SAE1: variants seen among roughly 807,000 people sequenced by gnomAD.
SAE1 encodes SUMO-activating enzyme subunit 1.
In SAE1, 11 loss-of-function variants were observed where a neutral mutation model predicts 40.6. The observed-to-expected ratio is 0.27, with a 90% CI of 0.17 to 0.45. The LOEUF (loss-of-function observed/expected upper bound fraction) is 0.45, where lower values mean the gene tolerates loss of function less well. SAE1 is among the 20% of genes least tolerant of loss of function. The pLI is 1.00. For missense variants in SAE1, 373 were observed against 427.3 expected (o/e 0.87, Z 1.12); for synonymous variants, 155 against 154.3 (o/e 1.00, Z -0.03).
intron 8 of SAE1, among the ~76,000 whole-genome samples, chr19:47,204,507 C>A (rs1056192896): frequency 7.2e-6 from 1 of 139,738 alleles, no homozygotes; most frequent in Non-Finnish European, 1.5e-5. Flanking sequence ...CGCACCCCCC[C>A]CCTTTTTTTT....
intron 2 of SAE1, among the ~76,000 whole-genome samples, chr19:47,148,739 C>G (rs1161449001): frequency 6.6e-6 from 1 of 151,394 alleles, no homozygotes; most frequent in African/African-American, 2.4e-5. Context: ...CTCAGCCTCC[C>G]GAGTAGCTGG....
At chr19:47,140,698 G>C (rs2058216308) in intron 1 of SAE1, among the ~76,000 whole-genome samples, 1 of 151,896 alleles carries the variant, frequency 6.6e-6, no homozygotes, top group South Asian at 2.1e-4. Context: ...AATAGGCCGA[G>C]GTGGCGGGAT....
intron 4 of SAE1, among the ~76,000 whole-genome samples, chr19:47,153,543 C>T (rs2058300972): frequency 6.6e-6 from 1 of 152,090 alleles, no homozygotes; most frequent in African/African-American, 2.4e-5. Flanking sequence ...TCTGACCACC[C>T]CCTCCAAAAC....
At chr19:47,150,477 C>A in intron 3 of SAE1, 102 bp downstream of exon 3, 1 of 938,370 alleles carries the variant, frequency 1.1e-6, no homozygotes, top group Non-Finnish European at 1.6e-6. Flanking sequence ...ATTCAAATAT[C>A]AAATTCTGAG....
At chr19:47,163,258 A>C (rs1327543261) in intron 5 of SAE1, among the ~76,000 whole-genome samples, 1 of 151,916 alleles carries the variant, frequency 6.6e-6, no homozygotes, top group South Asian at 2.1e-4. Flanking sequence ...ATCCAAAAAA[A>C]AAAAAAGAAA....
At chr19:47,171,972 T>C (rs143590449) in intron 6 of SAE1, among the ~76,000 whole-genome samples, 36 of 152,036 alleles carry the variant, frequency 2.4e-4, no homozygotes, top group African/African-American at 8.7e-4. Context: ...CAGGCTGGAG[T>C]GCAGTGGTGC....
intron 6 of SAE1, among the ~76,000 whole-genome samples, chr19:47,187,078 A>G (rs1600200931): frequency 6.6e-6 from 1 of 152,356 alleles, no homozygotes; most frequent in East Asian, 1.9e-4. Flanking sequence ...ATGCACACAC[A>G]TACTTTTAAG....
intron 6 of SAE1, among the ~76,000 whole-genome samples, chr19:47,193,822 T>G (rs2058595021): frequency 7.2e-6 from 1 of 138,018 alleles, no homozygotes. Context: ...AGCAAGATTG[T>G]CTCAAAAAAA....
rs772632494 is a variant in SAE1, at chr19:47,155,122, C to T, written c.536C>T (p.Thr179Ile). The change falls in exon 5 of 9, where the codon ACT (threonine) becomes ATT (isoleucine). Residue 179 changes from threonine (T) to isoleucine (I), a missense_variant. By Grantham distance (89) the Thr-to-Ile change is moderately conservative (BLOSUM62 -1). This residue lies in a region of SAE1 where 351 missense variants were observed against 390.6 expected (regional missense o/e 0.90). Coordinates refer to ENST00000270225, the MANE Select transcript of SAE1 (RefSeq NM_005500.3). ...LGEHEFVEEK[T>I]KVAKVSQGVE... Reference sequence around the variant, plus strand: ...CCCTTGTCACCCTCTAGGGAGAAAACTAAAGTTGCCAAAGTTAGCCAAGGA... The same window carrying T: ...CCCTTGTCACCCTCTAGGGAGAAAATTAAAGTTGCCAAAGTTAGCCAAGGA... 7 of 1,609,996 alleles carry T rather than the reference C, an allele frequency of 4.3e-6. No individual in the cohort carries two copies. The highest frequency in any genetic ancestry group is 1.1e-5 in the South Asian group (1 of 90,972).
chr19:47,163,780 A>G (rs183368337), intron 5 of SAE1, among the ~76,000 whole-genome samples: 67 of 152,258 alleles, frequency 4.4e-4, no homozygotes, highest in African/African-American at 1.5e-3. Flanking sequence ...AGTATATGCA[A>G]GTACTGTGCC....
chr19:47,130,884 C>T lies in SAE1; in HGVS notation c.-47C>T. On this transcript the variant is annotated 5_prime_UTR_variant, in exon 1 of 9. Transcript: ENST00000270225. Reference sequence around the variant, plus strand: ...GTAGGTGGCGCGCGGGTCCGGCGGGCGGTTGGCTTGAGCGGGACCGGAGCT... The same window carrying T: ...GTAGGTGGCGCGCGGGTCCGGCGGGTGGTTGGCTTGAGCGGGACCGGAGCT... 3 of 1,545,600 alleles carry T rather than the reference C, an allele frequency of 1.9e-6. No homozygotes were observed. Among genetic ancestry groups the T allele is most frequent in the Non-Finnish European group, 2.6e-6 (3 of 1,145,170 alleles).
At chr19:47,141,925 A>G (rs2058224538) in intron 1 of SAE1, among the ~76,000 whole-genome samples, 1 of 152,140 alleles carries the variant, frequency 6.6e-6, no homozygotes, top group Admixed American at 6.6e-5. Flanking sequence ...TTCCTTTTTG[A>G]AATCTGAAAA....
At position 47,130,859 on chromosome 19, in the gene SAE1, G is replaced by A; in HGVS notation, c.-72G>A. 1.9e-6 allele frequency: 3 copies of A among 1,543,616 alleles called. No individual in the cohort carries two copies. Among genetic ancestry groups the A allele is most frequent in the South Asian group, 2.4e-5 (2 of 83,536 alleles). ...CACTCCGGGCGTGCTGCCGGCGGCG[G>A]TAGGTGGCGCGCGGGTCCGGCGGGC... On this transcript the variant is annotated 5_prime_UTR_variant, in exon 1 of 9. Coordinates refer to ENST00000270225, the MANE Select transcript of SAE1 (RefSeq NM_005500.3).
rs1365541911 is a variant in SAE1, at chr19:47,210,524, A to G, written c.*1273A>G. 1 of 152,254 alleles carries G rather than the reference A, an allele frequency of 6.6e-6. No homozygotes were observed. The highest frequency in any genetic ancestry group is 1.5e-5 in the Non-Finnish European group (1 of 68,046). The allele number at this position is 152,254 out of a possible 1,614,324, so 9.4% of individuals were successfully genotyped here. A position where few individuals can be genotyped will look rare whatever the true frequency, so the allele number is the denominator to read the frequency against. ...GGGTCAGAGCTTTTATTGGAAGACC[A>G]GGTTTGCCTTGATGCAGCCAAAGTG... On this transcript the variant is annotated 3_prime_UTR_variant, in exon 9 of 9. Transcript: ENST00000270225.
At chr19:47,167,866 C>G (rs929074412) in intron 5 of SAE1, among the ~76,000 whole-genome samples, 6 of 152,096 alleles carry the variant, frequency 3.9e-5, no homozygotes, top group African/African-American at 1.4e-4. Context: ...GCTTGGCTAT[C>G]TTAAACTTCT....
chr19:47,130,900 G>A lies in SAE1; in HGVS notation c.-31G>A. On this transcript the variant is annotated 5_prime_UTR_variant, in exon 1 of 9. Transcript: ENST00000270225. ...TCCGGCGGGCGGTTGGCTTGAGCGGGACCGGAGCTGAGGCAGGAAGAGCCG... is the reference window on the plus strand; with the variant it reads ...TCCGGCGGGCGGTTGGCTTGAGCGGAACCGGAGCTGAGGCAGGAAGAGCCG... 1 of 1,548,394 alleles carries A rather than the reference G, an allele frequency of 6.5e-7. No homozygotes were observed. Among genetic ancestry groups the A allele is most frequent in the Non-Finnish European group, 8.7e-7 (1 of 1,146,362 alleles).
chr19:47,188,266 A>G (rs2058556513), intron 6 of SAE1, among the ~76,000 whole-genome samples: 1 of 151,978 alleles, frequency 6.6e-6, no homozygotes, highest in South Asian at 2.1e-4. Context: ...CAGGAGGATC[A>G]CTTGAGTTCA....
intron 5 of SAE1, among the ~76,000 whole-genome samples, chr19:47,159,412 A>G (rs2058344310): frequency 6.6e-6 from 1 of 152,068 alleles, no homozygotes; most frequent in South Asian, 2.1e-4. Flanking sequence ...TTTAAGCTCC[A>G]TAGGGGGAAG....
chr19:47,187,432 G>C lies in SAE1; in HGVS notation c.734-9801G>C, dbSNP rs180818291. 1.2e-3 allele frequency among the ~76,000 whole-genome samples: 190 copies of C among 152,250 alleles called. 1 individual carries two copies. The highest frequency in any genetic ancestry group is 4.4e-3 in the African/African-American group (184 of 41,540). ...CATGTGTAGCATGTTTGTAACACTT[G>C]ATAAGAAACAGAACCATCCCAGATA... On this transcript the variant is annotated intron_variant, in intron 6 of 8. Transcript: ENST00000270225.
Sources: gnomAD v4.1 joint callset for allele counts (sites outside exome capture counted in the v4.1 genomes callset) on GRCh38, gnomAD v4.1.1 for gene constraint, gnomAD v4.1.1 regional missense constraint, MANE v1.5 for transcripts, NCBI Gene and HGNC (gene_info 2026-07-23, HGNC 2026-07-21) for gene names.